Variants in BMPER observed in about 807,000 individuals in gnomAD.
The protein encoded by BMPER is BMP binding endothelial regulator.
A neutral mutation model predicts 87.3 loss-of-function variants in BMPER; 45 were observed. The observed-to-expected ratio is 0.52, with a 90% CI of 0.41 to 0.66. The LOEUF is 0.66. Ranked by LOEUF, BMPER falls within the 30% of genes least tolerant of loss-of-function variation. The pLI, the probability that BMPER is intolerant of heterozygous loss-of-function variation, is 0.00. For missense variants in BMPER, 784 were observed against 867.5 expected (o/e 0.90, Z 1.21); for synonymous variants, 326 against 316.2 (o/e 1.03, Z -0.33).
chr7:33,995,383 T>C (rs1376212879), intron 6 of BMPER, among the ~76,000 whole-genome samples: 2 of 152,120 alleles, frequency 1.3e-5, no homozygotes, highest in African/African-American at 2.4e-5. Context: ...GAGGAAGCTT[T>C]CCTTTTCCTC....
chr7:34,018,606 T>G (rs1285069680), intron 6 of BMPER, among the ~76,000 whole-genome samples: 2 of 151,976 alleles, frequency 1.3e-5, no homozygotes, highest in Admixed American at 6.6e-5. Flanking sequence ...ATCTGAAATG[T>G]GGCTTGCACT....
intron 2 of BMPER, among the ~76,000 whole-genome samples, chr7:33,927,338 A>C (rs1003779354): frequency 3.3e-5 from 5 of 152,196 alleles, no homozygotes; most frequent in Non-Finnish European, 7.4e-5. Context: ...TTATCCAGGA[A>C]GGAGACATGC....
chr7:34,009,422 T>C (rs982177116), intron 6 of BMPER, among the ~76,000 whole-genome samples: 5 of 151,906 alleles, frequency 3.3e-5, no homozygotes, highest in African/African-American at 7.2e-5. Context: ...AGGACTTGCT[T>C]TTGGGGAAGA....
intron 13 of BMPER, among the ~76,000 whole-genome samples, chr7:34,129,592 G>GAGAGAGAGAA (rs1790501150): frequency 7.8e-6 from 1 of 128,872 alleles, no homozygotes; most frequent in Admixed American, 7.9e-5. Flanking sequence ...GAGAGAGAGA[G>GAGAGAGAGAA]AGAGAGAGAG....
At chr7:33,975,575 G>A (rs1038336957) in intron 6 of BMPER, among the ~76,000 whole-genome samples, 1 of 152,194 alleles carries the variant, frequency 6.6e-6, no homozygotes, top group Non-Finnish European at 1.5e-5. Context: ...AGTGGTGGTG[G>A]TAGTGATGGG....
chr7:33,975,103 A>G (rs1414770093), intron 6 of BMPER, among the ~76,000 whole-genome samples: 1 of 152,188 alleles, frequency 6.6e-6, no homozygotes, highest in Non-Finnish European at 1.5e-5. Context: ...CCAATGGGCC[A>G]TGGAGGCCAA....
intron 6 of BMPER, among the ~76,000 whole-genome samples, chr7:33,986,674 G>T (rs1245648223): frequency 1.3e-5 from 2 of 152,178 alleles, no homozygotes; most frequent in Non-Finnish European, 2.9e-5. Flanking sequence ...GGAACGGGGG[G>T]TGAGCTCAGG....
rs189411848 is a variant in BMPER, at chr7:33,912,203, A to G, written c.219+5300A>G. Among the ~76,000 whole-genome samples the G allele has an allele frequency of 2.0e-5, 3 of 152,310 alleles. No homozygotes were observed. The East Asian group carries it at 5.8e-4, about 29-fold the overall frequency. ...TTTCTTGCAGAGTATTTACATCTCT[A>G]TGCCTGTGGGGTCACCTTCACTTGT... is the stretch of plus-strand genomic sequence containing the variant. On this transcript the variant is annotated intron_variant, in intron 2 of 14. Transcript: ENST00000649409.
rs773086373 is a variant in BMPER, at chr7:34,086,066, G to A, written c.1719G>A (p.Ser573=). 9.0e-5 allele frequency: 146 copies of A among 1,613,732 alleles called. No homozygotes were observed. The highest frequency in any genetic ancestry group is 5.7e-4 in the South Asian group (52 of 91,050). The change falls in exon 13 of 15, where the codon TCG becomes TCA. Residue 573 remains serine (S), a synonymous_variant. Transcript: ENST00000649409. ...LKSWEFQTCH[S]TVDYATFYRS... Reference sequence around the variant, plus strand: ...CCTGGGAGTTTCAGACCTGCCACTCGACTGTGGACTACGCCACTTTCTACC... The same window carrying A: ...CCTGGGAGTTTCAGACCTGCCACTCAACTGTGGACTACGCCACTTTCTACC...
chr7:33,982,997 C>T (rs886164560), intron 6 of BMPER, among the ~76,000 whole-genome samples: 4 of 152,034 alleles, frequency 2.6e-5, no homozygotes, highest in Non-Finnish European at 2.9e-5. Context: ...TTGCAGAAAA[C>T]GGTAAGGCAA....
chr7:34,051,864 A>G lies in BMPER; in HGVS notation c.680A>G (p.Gln227Arg). 6.2e-7 allele frequency: 1 copy of G among 1,611,854 alleles called. No homozygotes were observed. Among genetic ancestry groups the G allele is most frequent in the South Asian group, 1.1e-5 (1 of 91,042 alleles). Reference protein sequence around the residue: ...PGQCCPKCLGQRKVFDLPFGS... With the variant: ...PGQCCPKCLGRRKVFDLPFGS... ...CTGTGCTTCTGTTTCTCTCTAGGTC[A>G]GAGGAAAGTGTTTGACCTCCCTTTT... Residue 227 changes from glutamine (Q) to arginine (R), a missense_variant, in exon 8 of 15, where the codon CAG becomes CGG. Gln to Arg is a conservative substitution (Grantham distance 43). Coordinates refer to ENST00000649409, the MANE Select transcript of BMPER (RefSeq NM_001365308.1).
chr7:34,150,512 C>T (rs895817073), intron 14 of BMPER, among the ~76,000 whole-genome samples: 3 of 152,110 alleles, frequency 2.0e-5, no homozygotes, highest in African/African-American at 7.2e-5. Context: ...AGCATAACAA[C>T]ACATGAATAC....
chr7:34,015,003 CT>C (rs1786982239), intron 6 of BMPER, among the ~76,000 whole-genome samples: 1 of 151,776 alleles, frequency 6.6e-6, no homozygotes, highest in Non-Finnish European at 1.5e-5. Context: ...AGGGGGGAGG[CT>C]GAATATTGAA....
intron 13 of BMPER, among the ~76,000 whole-genome samples, chr7:34,102,903 T>C (rs1001684778): frequency 2.6e-5 from 4 of 152,044 alleles, no homozygotes; most frequent in Non-Finnish European, 5.9e-5. Flanking sequence ...TGGGGGCTGT[T>C]TCGCATGGTA....
intron 13 of BMPER, among the ~76,000 whole-genome samples, chr7:34,098,242 T>TG (rs1240486427): frequency 6.6e-6 from 1 of 152,096 alleles, no homozygotes; most frequent in African/African-American, 2.4e-5. Flanking sequence ...CTGGATACAA[T>TG]GCAGCTTTGT....
intron 13 of BMPER, among the ~76,000 whole-genome samples, chr7:34,119,453 G>A (rs918386728): frequency 2.0e-5 from 3 of 152,104 alleles, no homozygotes; most frequent in Non-Finnish European, 4.4e-5. Context: ...AATACTTCTA[G>A]TGGTTGAAAA....
chr7:34,071,679 A>G (rs1395834232), intron 11 of BMPER, among the ~76,000 whole-genome samples: 7 of 152,230 alleles, frequency 4.6e-5, no homozygotes, highest in East Asian at 1.9e-4. Flanking sequence ...TATGAACTGC[A>G]TATTAACATT....
chr7:34,092,582 G>A (rs1387363865), intron 13 of BMPER, among the ~76,000 whole-genome samples: 1 of 152,140 alleles, frequency 6.6e-6, no homozygotes, highest in South Asian at 2.1e-4. Flanking sequence ...TGAGCCTTCT[G>A]TCAGGCTGGA....
chr7:34,086,173 CT>C, intron 13 of BMPER, 81 bp downstream of exon 13: 1 of 1,491,920 alleles, frequency 6.7e-7, no homozygotes, highest in African/African-American at 1.4e-5. Flanking sequence ...TATGAAATCT[CT>C]TGTTGTGCAG....
Sources: allele counts gnomAD v4.1 joint callset (sites outside exome capture counted in the v4.1 genomes callset), GRCh38; gene constraint gnomAD v4.1.1; transcripts MANE v1.5; gene names NCBI Gene and HGNC (gene_info 2026-07-23, HGNC 2026-07-21).